Variants in UVRAG observed in about 807,000 individuals in gnomAD.
UVRAG encodes UV radiation resistance-associated gene protein.
In UVRAG, 19 loss-of-function variants were observed where a neutral mutation model predicts 78.0. The observed-to-expected ratio is 0.24, with a 90% CI of 0.17 to 0.36. The LOEUF (loss-of-function observed/expected upper bound fraction) is 0.36, where lower values mean the gene tolerates loss of function less well. Ranked by LOEUF, UVRAG falls within the 10% of genes least tolerant of loss-of-function variation. The pLI, the probability that UVRAG is intolerant of heterozygous loss-of-function variation, is 1.00. For missense variants in UVRAG, 740 were observed against 853.8 expected (o/e 0.87, Z 1.66); for synonymous variants, 323 against 324.6 (o/e 1.00, Z 0.05).
intron 3 of UVRAG, among the ~76,000 whole-genome samples, chr11:75,879,467 C>T (rs1946890004): frequency 6.6e-6 from 1 of 152,168 alleles, no homozygotes; most frequent in Non-Finnish European, 1.5e-5. Flanking sequence ...GCTGTGTAGC[C>T]TTATGCATAA....
chr11:76,074,687 A>G (rs536629567), intron 13 of UVRAG, among the ~76,000 whole-genome samples: 4 of 152,342 alleles, frequency 2.6e-5, no homozygotes, highest in South Asian at 4.1e-4. Flanking sequence ...ATGGCAAGCA[A>G]TTCAAAACCA....
intron 5 of UVRAG, among the ~76,000 whole-genome samples, chr11:75,892,689 A>G (rs1341487124): frequency 6.6e-6 from 1 of 152,156 alleles, no homozygotes; most frequent in South Asian, 2.1e-4. Context: ...TTAATTGGAT[A>G]AGTTCAGCAG....
chr11:76,021,180 C>T (rs1950240200), intron 12 of UVRAG, among the ~76,000 whole-genome samples: 1 of 152,148 alleles, frequency 6.6e-6, no homozygotes, highest in African/African-American at 2.4e-5. Flanking sequence ...AAACCAGGTA[C>T]TGTGATTGCT....
intron 8 of UVRAG, among the ~76,000 whole-genome samples, chr11:75,984,349 T>C (rs1949453490): frequency 6.6e-6 from 1 of 152,208 alleles, no homozygotes; most frequent in Non-Finnish European, 1.5e-5. Flanking sequence ...TGTACGGTAT[T>C]CAATGCTGTG....
chr11:75,905,223 T>C (rs1007696635), intron 5 of UVRAG, among the ~76,000 whole-genome samples: 8 of 152,212 alleles, frequency 5.3e-5, no homozygotes, highest in African/African-American at 1.9e-4. Flanking sequence ...GTCTCCTCTG[T>C]CCTTTTTCTC....
chr11:75,950,361 G>A (rs1948667319), intron 6 of UVRAG, among the ~76,000 whole-genome samples: 1 of 152,148 alleles, frequency 6.6e-6, no homozygotes, highest in Non-Finnish European at 1.5e-5. Context: ...CTGAACTCAA[G>A]GGATTCTCCC....
intron 8 of UVRAG, among the ~76,000 whole-genome samples, chr11:75,993,285 G>A (rs1166891041): frequency 6.6e-6 from 1 of 152,138 alleles, no homozygotes; most frequent in Non-Finnish European, 1.5e-5. Context: ...CTGCTGACTT[G>A]CTGAGTGGTC....
At chr11:75,892,225 TCA>T in intron 5 of UVRAG, 4 of 535,328 alleles carry the variant, frequency 7.5e-6, no homozygotes, top group Non-Finnish European at 9.6e-6. Flanking sequence ...ATTAAGCCAG[TCA>T]CACACAGGTC....
At chr11:76,099,325 T>C (rs1951838896) in intron 13 of UVRAG, among the ~76,000 whole-genome samples, 1 of 152,162 alleles carries the variant, frequency 6.6e-6, no homozygotes, top group Non-Finnish European at 1.5e-5. Flanking sequence ...ATTTTCTTGT[T>C]CTGTGCCTCC....
intron 12 of UVRAG, among the ~76,000 whole-genome samples, chr11:76,022,300 C>T (rs561873915): frequency 1.2e-3 from 180 of 152,184 alleles, no homozygotes; most frequent in African/African-American, 4.0e-3. Context: ...TCTGTTAGAT[C>T]TAGTTGGTTT....
chr11:75,901,140 T>C (rs1172672423), intron 5 of UVRAG, among the ~76,000 whole-genome samples: 1 of 152,186 alleles, frequency 6.6e-6, no homozygotes, highest in Admixed American at 6.5e-5. Flanking sequence ...CAAATGAACA[T>C]ATACACCTAG....
At chr11:76,140,088 T>A (rs61066651) in intron 14 of UVRAG, among the ~76,000 whole-genome samples, 1 of 6,694 alleles carries the variant, frequency 1.5e-4, no homozygotes, top group Non-Finnish European at 2.4e-4. Context: ...CCTCCCCCTC[T>A]CCCCCTCCCT....
intron 9 of UVRAG, among the ~76,000 whole-genome samples, chr11:76,005,707 G>A (rs1949921673): frequency 6.6e-6 from 1 of 152,240 alleles, no homozygotes; most frequent in Non-Finnish European, 1.5e-5. Flanking sequence ...GCCCCAGGTT[G>A]TGACCTGTGC....
chr11:76,124,031 T>G (rs1952339322), intron 14 of UVRAG, among the ~76,000 whole-genome samples: 1 of 152,238 alleles, frequency 6.6e-6, no homozygotes, highest in South Asian at 2.1e-4. Flanking sequence ...CCCAAAGTGC[T>G]GGGATTACAG....
intron 8 of UVRAG, among the ~76,000 whole-genome samples, chr11:75,987,171 A>T (rs1332866271): frequency 6.6e-6 from 1 of 152,168 alleles, no homozygotes; most frequent in Non-Finnish European, 1.5e-5. Flanking sequence ...AACTTTTTGA[A>T]TGACTGCCAA....
chr11:76,104,378 G>T (rs1242756362), intron 13 of UVRAG, among the ~76,000 whole-genome samples: 1 of 152,120 alleles, frequency 6.6e-6, no homozygotes, highest in East Asian at 1.9e-4. Context: ...CTGAATTCAG[G>T]CACATTCAAA....
At chr11:75,815,645 G>A (rs2135792911) in intron 1 of UVRAG, 121 bp downstream of exon 1, 1 of 531,936 alleles carries the variant, frequency 1.9e-6, no homozygotes, top group Non-Finnish European at 2.9e-6. Flanking sequence ...GAGGGCTCGC[G>A]GGACTGAGGA....
chr11:76,043,622 T>G (rs1950693028), intron 12 of UVRAG, among the ~76,000 whole-genome samples: 1 of 152,218 alleles, frequency 6.6e-6, no homozygotes, highest in Non-Finnish European at 1.5e-5. Flanking sequence ...TTTTGTATGA[T>G]ACAGAAACAT....
intron 12 of UVRAG, among the ~76,000 whole-genome samples, chr11:76,032,022 G>T (rs1950446905): frequency 6.6e-6 from 1 of 152,076 alleles, no homozygotes; most frequent in Non-Finnish European, 1.5e-5. Flanking sequence ...GAATTTTTTG[G>T]TAAGCAAAGA....
Sources: allele counts gnomAD v4.1 joint callset (sites outside exome capture counted in the v4.1 genomes callset), GRCh38; gene constraint gnomAD v4.1.1; transcripts MANE v1.5; gene names NCBI Gene and HGNC (gene_info 2026-07-23, HGNC 2026-07-21).